Variants in IL6ST observed in about 807,000 individuals in gnomAD.
IL6ST encodes the protein interleukin-6 receptor subunit beta.
Under a neutral mutation model 91.3 loss-of-function variants are expected in IL6ST, and 24 were observed. That is an observed-to-expected ratio of 0.26 (90% CI 0.19 to 0.37). The LOEUF is 0.37. IL6ST is among the 10% of genes least tolerant of loss of function. IL6ST has a pLI of 1.00. For synonymous variants in IL6ST, 351 were observed against 373.6 expected (o/e 0.94, Z 0.70); for missense variants, 914 against 1,078.5 (o/e 0.85, Z 2.14).
At chr5:55,977,831 GAC>G (rs113287344) in intron 2 of IL6ST, among the ~76,000 whole-genome samples, 24 of 148,876 alleles carry the variant, frequency 1.6e-4, no homozygotes, top group Admixed American at 4.0e-4. Flanking sequence ...GACACACACA[GAC>G]ACACACACAC....
chr5:55,961,937 A>G (rs761336672), intron 7 of IL6ST, among the ~76,000 whole-genome samples: 2 of 152,222 alleles, frequency 1.3e-5, no homozygotes, highest in Non-Finnish European at 2.9e-5. Context: ...GCATGACACA[A>G]CAAAGAGAAG....
At chr5:55,991,618 TCTC>T (rs1418601605) in intron 1 of IL6ST, among the ~76,000 whole-genome samples, 9 of 152,080 alleles carry the variant, frequency 5.9e-5, no homozygotes, top group African/African-American at 2.2e-4. Context: ...CTGTCATTCT[TCTC>T]CTCAACAGCT....
chr5:55,964,883 ACT>A (rs956173588), intron 5 of IL6ST, among the ~76,000 whole-genome samples: 4 of 152,236 alleles, frequency 2.6e-5, no homozygotes, highest in African/African-American at 4.8e-5. Context: ...CATATACAAC[ACT>A]GTTTTTAAAA....
rs562348533 is a variant in IL6ST at position 55,979,613 on chromosome 5, T to C, written c.-16+3111A>G. ...CACACACTACAGGTTATAGTGTAAA[T>C]TGGCATAAGCTTCCCAATACATTGA... On this transcript the variant is annotated intron_variant, in intron 2 of 16. Transcript: ENST00000381298. 3.3e-5 allele frequency among the ~76,000 whole-genome samples: 5 copies of C among 152,190 alleles called. No individual in the cohort carries two copies. In the East Asian group the frequency reaches 7.7e-4, roughly 23 times the overall value.
chr5:55,969,719 CCAGA>C lies in IL6ST; in HGVS notation c.197_200del (p.Val66GlyfsTer16), dbSNP rs767306401. On this transcript the variant is annotated frameshift_variant, in exon 4 of 17. Transcript: ENST00000381298. LOFTEE classifies it high-confidence loss of function. The stretch of plus-strand genomic sequence containing the variant: ...TAGGAATAGTAAAATGGTTTGTTTT[CCAGA>C]CAATGTAATTAGCATTTACATGAAA... 2.5e-6 allele frequency: 4 copies of C among 1,612,658 alleles called. No homozygotes were observed. The highest frequency in any genetic ancestry group is 3.4e-6 in the Non-Finnish European group (4 of 1,178,836).
At chr5:55,944,871 C>G (rs976547445) in intron 15 of IL6ST, 3 of 574,096 alleles carry the variant, frequency 5.2e-6, no homozygotes, top group Non-Finnish European at 6.5e-6. Context: ...TCATCGCCCT[C>G]TGATCGCCGA....
chr5:55,940,682 A>AG lies in IL6ST; in HGVS notation c.*399dup, dbSNP rs1333757857. On this transcript the variant is annotated 3_prime_UTR_variant, in exon 17 of 17. Coordinates refer to ENST00000381298, the MANE Select transcript of IL6ST (RefSeq NM_002184.4). The stretch of plus-strand genomic sequence containing the variant: ...TCCTCTTTTATATTAACTGTCCCTA[A>AG]GCCACTCTGATGACTATTCTAATCA... 1 of 231,300 alleles carries AG rather than the reference A, an allele frequency of 4.3e-6. No individual in the cohort carries two copies. Among genetic ancestry groups the AG allele is most frequent in the Non-Finnish European group, 8.6e-6 (1 of 116,692 alleles). The allele number at this position is 231,300 out of a possible 1,614,324, so 14.3% of individuals were successfully genotyped here.
chr5:55,972,151 C>A (rs891325886), intron 3 of IL6ST, among the ~76,000 whole-genome samples: 2 of 152,008 alleles, frequency 1.3e-5, no homozygotes, highest in African/African-American at 4.8e-5. Flanking sequence ...CTCTAGAGTT[C>A]TAAAAAGATA....
intron 1 of IL6ST, among the ~76,000 whole-genome samples, chr5:55,983,915 TATAG>T (rs1477466719): frequency 1.3e-5 from 2 of 152,184 alleles, no homozygotes; most frequent in Non-Finnish European, 2.9e-5. Context: ...TAAGTTAATA[TATAG>T]AGAGTAATTC....
At chr5:55,970,646 C>T (rs1276684313) in intron 3 of IL6ST, among the ~76,000 whole-genome samples, 1 of 152,148 alleles carries the variant, frequency 6.6e-6, no homozygotes, top group African/African-American at 2.4e-5. Context: ...CACTGCACTC[C>T]ACCCTGGACA....
At chr5:55,978,751 C>CATCTT (rs1753469911) in intron 2 of IL6ST, among the ~76,000 whole-genome samples, 1 of 152,154 alleles carries the variant, frequency 6.6e-6, no homozygotes, top group Non-Finnish European at 1.5e-5. Flanking sequence ...AAAAGGCAGC[C>CATCTT]ATCAGGGTTT....
chr5:55,944,083 C>CA (rs1201981733), intron 15 of IL6ST, among the ~76,000 whole-genome samples: 2 of 151,884 alleles, frequency 1.3e-5, no homozygotes, highest in African/African-American at 4.8e-5. Flanking sequence ...AGTCTCAAAA[C>CA]AAAAAAACCC....
rs1290117385 is a variant in IL6ST, at chr5:55,938,644, A to G, written c.*2438T>C. ...AGCCACTAACTAACTTTATTAGACT[A>G]GTTTTTACATAAATAACCAGATTTC... On this transcript the variant is annotated 3_prime_UTR_variant, in exon 17 of 17. Transcript: ENST00000381298. 1.0e-5 allele frequency: 2 copies of G among 195,954 alleles called. No homozygotes were observed. Among genetic ancestry groups the G allele is most frequent in the Non-Finnish European group, 2.1e-5 (2 of 94,312 alleles). 12.1% of individuals were successfully genotyped at this position (195,954 alleles called of 1,614,324 possible).
intron 3 of IL6ST, among the ~76,000 whole-genome samples, chr5:55,973,279 G>A (rs1753070503): frequency 6.6e-6 from 1 of 151,972 alleles, no homozygotes; most frequent in South Asian, 2.1e-4. Flanking sequence ...TTTTTCTTAC[G>A]ATGTCACGCA....
At chr5:55,983,536 C>T (rs182180851) in intron 1 of IL6ST, among the ~76,000 whole-genome samples, 1 of 152,158 alleles carries the variant, frequency 6.6e-6, no homozygotes, top group African/African-American at 2.4e-5. Flanking sequence ...AGTACTAGTG[C>T]TCCTCTTTGA....
intron 1 of IL6ST, among the ~76,000 whole-genome samples, chr5:55,994,488 G>C (rs1048341485): frequency 6.6e-6 from 1 of 152,162 alleles, no homozygotes; most frequent in East Asian, 1.9e-4. Context: ...TAACAAAAAG[G>C]GGGGTTTGTT....
intron 14 of IL6ST, 54 bp downstream of exon 14, chr5:55,951,410 C>A (rs1461766053): frequency 2.3e-5 from 32 of 1,372,878 alleles, no homozygotes; most frequent in Non-Finnish European, 3.1e-5. Context: ...AAACTAAGTT[C>A]ATTTCTAACC....
At chr5:55,951,814 G>T in intron 13 of IL6ST, 115 bp downstream of exon 13, 1 of 766,140 alleles carries the variant, frequency 1.3e-6, no homozygotes, top group Non-Finnish European at 2.0e-6. Flanking sequence ...CAAATTCTCA[G>T]GTGTCTCCTG....
intron 3 of IL6ST, among the ~76,000 whole-genome samples, chr5:55,975,420 A>T (rs183144005): frequency 1.3e-5 from 2 of 152,254 alleles, no homozygotes; most frequent in Admixed American, 1.3e-4. Flanking sequence ...CCAGAAGCAG[A>T]TGCCACCATG....
Sources: gnomAD v4.1 joint callset for allele counts (sites outside exome capture counted in the v4.1 genomes callset) on GRCh38, gnomAD v4.1.1 for gene constraint, MANE v1.5 for transcripts, NCBI Gene and HGNC (gene_info 2026-07-23, HGNC 2026-07-21) for gene names.